The following TRMO variants were observed in gnomAD, a reference collection of about 807,000 sequenced individuals.
The protein encoded by TRMO is tRNA methyltransferase O, also known as tRNA (adenine(37)-N6)-methyltransferase.
TRMO carries 30 observed loss-of-function variants against 37.2 expected under a neutral mutation model. The observed-to-expected ratio is 0.81, with a 90% CI of 0.60 to 1.09. The LOEUF (loss-of-function observed/expected upper bound fraction) is 1.09, where lower values mean the gene tolerates loss of function less well. TRMO is among the 50% of genes least tolerant of loss of function. TRMO has a pLI of 0.00. For missense variants in TRMO, 552 were observed against 549.5 expected (o/e 1.00, Z -0.05); for synonymous variants, 239 against 199.4 (o/e 1.20, Z -1.67).
chr9:97,922,067 T>G lies in TRMO; in HGVS notation c.76+351A>C, dbSNP rs576228275. On this transcript the variant is annotated intron_variant, in intron 1 of 4. Coordinates refer to ENST00000375119, the MANE Select transcript of TRMO (RefSeq NM_016481.5). ...TCATTCCTACAGCGCAGGATGCCTC[T>G]CTATGGCATTTATTAATTCCTAACC... Among the ~76,000 whole-genome samples the G allele has an allele frequency of 4.6e-5, 7 of 152,260 alleles. No homozygotes were observed. The South Asian group carries it at 1.4e-3, about 32-fold the overall frequency.
chr9:97,901,987 T>C (rs910899265), downstream of TRMO, among the ~76,000 whole-genome samples: 7 of 152,096 alleles, frequency 4.6e-5, no homozygotes, highest in African/African-American at 1.7e-4. Flanking sequence ...TGAGATCATG[T>C]TATGAGAAAC....
At chr9:97,913,044 T>C (rs1200537582) in intron 3 of TRMO, 2 of 660,682 alleles carry the variant, frequency 3.0e-6, no homozygotes, top group Non-Finnish European at 4.9e-6. Context: ...TGAGTTATTG[T>C]GTGTTAAATT....
chr9:97,909,555 C>T (rs1468881886), intron 4 of TRMO, among the ~76,000 whole-genome samples: 1 of 152,092 alleles, frequency 6.6e-6, no homozygotes, highest in Non-Finnish European at 1.5e-5. Flanking sequence ...ACCTGACAGT[C>T]AGAATACAAT....
At chr9:97,919,448 G>GAAAGA (rs146293841) in intron 1 of TRMO, among the ~76,000 whole-genome samples, 5 of 151,518 alleles carry the variant, frequency 3.3e-5, no homozygotes, top group Admixed American at 6.6e-5. Flanking sequence ...GGAAAGAAAG[G>GAAAGA]AAAGAAAAGA....
the TRMO span, among the ~76,000 whole-genome samples, chr9:97,898,837 A>ATTTTTTTTTT: frequency 4.2e-5 from 2 of 47,614 alleles, no homozygotes; most frequent in African/African-American, 3.3e-4. Flanking sequence ...ATATATATAT[A>ATTTTTTTTTT]CTTTTTTTTT....
At chr9:97,916,140 A>C (rs1190258800) in intron 2 of TRMO, 24 bp downstream of exon 2, 4 of 1,558,174 alleles carry the variant, frequency 2.6e-6, no homozygotes, top group Non-Finnish European at 3.5e-6. Context: ...CCAAAATCCT[A>C]CATCTAACTA....
At position 97,909,957 on chromosome 9, in the gene TRMO, T is replaced by C. The variant is rs370349301; in HGVS notation, c.1066+3A>G. On this transcript the variant is annotated splice_donor_region_variant and intron_variant, in intron 4 of 4. Transcript: ENST00000375119. The stretch of plus-strand genomic sequence containing the variant: ...TCATTCAGAATGAAGAAACTGAAGA[T>C]ACCTTGTGAACTGAGCTGCCCAAGG... The C allele has an allele frequency of 1.9e-4, 287 of 1,514,416 alleles. No individual in the cohort carries two copies. Among genetic ancestry groups the C allele is most frequent in the Non-Finnish European group, 2.3e-4 (263 of 1,130,102 alleles). 93.8% of individuals were successfully genotyped at this position (1,514,416 alleles called of 1,614,324 possible).
At chr9:97,913,247 C>G in intron 3 of TRMO, 154 bp downstream of exon 3, 1 of 855,188 alleles carries the variant, frequency 1.2e-6, no homozygotes, top group Non-Finnish European at 1.9e-6. Flanking sequence ...TGCTAACATT[C>G]TTTTAATCAT....
At chr9:97,913,682 G>C in intron 2 of TRMO, 124 bp from the exon 3 acceptor site, 1 of 647,088 alleles carries the variant, frequency 1.5e-6, no homozygotes, top group Non-Finnish European at 2.7e-6. Context: ...GTTTTAAATA[G>C]TATTAACTTG....
intron 3 of TRMO, chr9:97,913,097 T>A (rs1826200443): frequency 2.1e-6 from 1 of 481,120 alleles, no homozygotes; most frequent in Admixed American, 3.3e-5. Context: ...ATTTACTGCA[T>A]TCCAAGTCAG....
chr9:97,904,112 CAATT>C (rs1825757365), downstream of TRMO, among the ~76,000 whole-genome samples: 1 of 152,042 alleles, frequency 6.6e-6, no homozygotes, highest in Non-Finnish European at 1.5e-5. Flanking sequence ...AAAACAGTAA[CAATT>C]TTCTTGAACT....
intron 3 of TRMO, chr9:97,912,778 A>G: frequency 2.2e-6 from 1 of 462,902 alleles, no homozygotes; most frequent in South Asian, 1.8e-5. Flanking sequence ...TCTATAACAA[A>G]TGCATCTGTT....
chr9:97,915,948 G>A (rs4743143), intron 2 of TRMO, among the ~76,000 whole-genome samples: 14,080 of 152,206 alleles, frequency 0.093, 863 homozygotes, highest in Admixed American at 0.13. Context: ...GGCTGAGGTG[G>A]AAGGATACCT....
intron 1 of TRMO, among the ~76,000 whole-genome samples, chr9:97,922,157 A>AC (rs1375063296): frequency 1.3e-5 from 2 of 152,298 alleles, no homozygotes; most frequent in African/African-American, 4.8e-5. Flanking sequence ...CCTACGCTGC[A>AC]CGTAGCTGCT....
Position 97,913,394 on chromosome 9 carries a change from G to A in TRMO, c.409+7C>T. 6.2e-7 allele frequency: 1 copy of A among 1,613,712 alleles called. No homozygotes were observed. ...AAAAAGGTAAAAGTAGAAATGAAATGGGTTACCTTCTACCTTTTCCAGCTT... is the reference window on the plus strand; with the variant it reads ...AAAAAGGTAAAAGTAGAAATGAAATAGGTTACCTTCTACCTTTTCCAGCTT... On this transcript the variant is annotated splice_region_variant and intron_variant, in intron 3 of 4. Coordinates refer to ENST00000375119, the MANE Select transcript of TRMO (RefSeq NM_016481.5).
At chr9:97,919,129 T>C (rs556087742) in intron 1 of TRMO, among the ~76,000 whole-genome samples, 9 of 152,316 alleles carry the variant, frequency 5.9e-5, no homozygotes, top group African/African-American at 1.9e-4. Flanking sequence ...GTTTTTTCTT[T>C]TTAATCCTCA....
At chr9:97,909,879 C>T (rs554708441) in intron 4 of TRMO, 81 bp downstream of exon 4, 1 of 1,048,680 alleles carries the variant, frequency 9.5e-7, no homozygotes, top group South Asian at 1.6e-5. Context: ...ACTCCACATA[C>T]CTGCCTTCAC....
chr9:97,916,448 G>A lies in TRMO; in HGVS notation c.77-110C>T, dbSNP rs148874682. 260 of 720,972 alleles carry A rather than the reference G, an allele frequency of 3.6e-4. No homozygotes were observed. In the African/African-American group the frequency reaches 3.7e-3, roughly 10 times the overall value. The allele number at this position is 720,972 out of a possible 1,614,324, so 44.7% of individuals were successfully genotyped here. ...TTCATAGTTTTAAAATCTTAGTGTC[G>A]TGCAACTATAAAAATGATTTTTATA... On this transcript the variant is annotated intron_variant, in intron 1 of 4. Transcript: ENST00000375119.
At chr9:97,902,867 C>T (rs1268214913), downstream of TRMO, among the ~76,000 whole-genome samples, 3 of 152,170 alleles carry the variant, frequency 2.0e-5, no homozygotes, top group Non-Finnish European at 4.4e-5. Context: ...ATGGAACCAA[C>T]CACTGGAAGA....
Sources: gnomAD v4.1 joint callset for allele counts (sites outside exome capture counted in the v4.1 genomes callset) on GRCh38, gnomAD v4.1.1 for gene constraint, MANE v1.5 for transcripts, NCBI Gene and HGNC (gene_info 2026-07-23, HGNC 2026-07-21) for gene names.